R3HDM2: variants seen among roughly 807,000 people sequenced by gnomAD.
R3HDM2 encodes the protein R3H domain-containing protein 2.
R3HDM2 carries 38 observed loss-of-function variants against 124.5 expected under a neutral mutation model. That is an observed-to-expected ratio of 0.31 (90% CI 0.24 to 0.40). R3HDM2 has a LOEUF of 0.40. R3HDM2 is among the 10% of genes least tolerant of loss of function. R3HDM2 has a pLI of 1.00. For synonymous variants in R3HDM2, 391 were observed against 448.0 expected (o/e 0.87, Z 1.61); for missense variants, 869 against 1,236.9 (o/e 0.70, Z 4.46).
intron 2 of R3HDM2, among the ~76,000 whole-genome samples, chr12:57,326,145 C>A (rs1330860665): frequency 3.3e-5 from 5 of 152,154 alleles, no homozygotes; most frequent in African/African-American, 1.2e-4. Flanking sequence ...AACTGTTCCC[C>A]GATCTCTCTC....
intron 14 of R3HDM2, among the ~76,000 whole-genome samples, chr12:57,275,518 A>C (rs2044484048): frequency 1.4e-5 from 2 of 145,384 alleles, no homozygotes; most frequent in South Asian, 2.2e-4. Context: ...AAAAAAAAAA[A>C]CAGCAGAGGA....
intron 14 of R3HDM2, among the ~76,000 whole-genome samples, chr12:57,279,108 A>G (rs994120680): frequency 6.6e-6 from 1 of 152,054 alleles, no homozygotes; most frequent in Non-Finnish European, 1.5e-5. Context: ...CTCCTCAAAA[A>G]GAGCTCTATT....
chr12:57,319,625 C>G (rs1260370301), intron 2 of R3HDM2, among the ~76,000 whole-genome samples: 1 of 152,140 alleles, frequency 6.6e-6, no homozygotes, highest in Non-Finnish European at 1.5e-5. Context: ...ATTTCCTTCT[C>G]TAAACATTCC....
chr12:57,297,756 A>G (rs975443165), intron 7 of R3HDM2: 25 of 362,404 alleles, frequency 6.9e-5, no homozygotes, highest in Admixed American at 1.3e-4. Context: ...GTACAAATCA[A>G]TTATTTTTTC....
intron 2 of R3HDM2, among the ~76,000 whole-genome samples, chr12:57,322,757 G>T (rs2056649915): frequency 6.6e-6 from 1 of 152,068 alleles, no homozygotes; most frequent in Non-Finnish European, 1.5e-5. Flanking sequence ...TACAAGAGAG[G>T]CAATGGTAGA....
chr12:57,424,650 C>G (rs578217947), intron 1 of R3HDM2, among the ~76,000 whole-genome samples: 1 of 152,096 alleles, frequency 6.6e-6, no homozygotes, highest in Non-Finnish European at 1.5e-5. Context: ...AATTGTCATA[C>G]GCAACAAAGA....
intron 2 of R3HDM2, among the ~76,000 whole-genome samples, chr12:57,349,872 T>C (rs2060501526): frequency 6.6e-6 from 1 of 152,094 alleles, no homozygotes; most frequent in Admixed American, 6.6e-5. Flanking sequence ...TACATGGTTT[T>C]AATGTTGTCT....
chr12:57,323,681 T>C (rs529552008), intron 2 of R3HDM2, among the ~76,000 whole-genome samples: 1 of 152,352 alleles, frequency 6.6e-6, no homozygotes. Flanking sequence ...TCAGTATCTG[T>C]TATGGCTGTA....
intron 13 of R3HDM2, 31 bp from the exon 14 acceptor site, chr12:57,280,561 G>T: frequency 6.4e-7 from 1 of 1,562,608 alleles, no homozygotes; most frequent in Non-Finnish European, 8.7e-7. Context: ...ACAAAAAGTT[G>T]TAAGCATAAG....
chr12:57,360,555 G>A (rs966141985), intron 2 of R3HDM2, among the ~76,000 whole-genome samples: 2 of 151,706 alleles, frequency 1.3e-5, no homozygotes, highest in African/African-American at 2.4e-5. Flanking sequence ...CTATAAGTTC[G>A]AGGCTATAGT....
Position 57,280,463 on chromosome 12 carries a change from G to A in R3HDM2, c.1239C>T (p.Leu413=), listed in dbSNP as rs77784795. The change falls in exon 14 of 24, where the codon CTC becomes CTT. Residue 413 remains leucine, a synonymous_variant. Transcript: ENST00000402412. ...GCTGTTGCTGCTGGGCAGTACAAGG[G>A]AGAAGCCCCCGGACAGACTGGGATG... ...VTSSQSVRGL[L]PCTAQQQQQQ... The A allele has an allele frequency of 3.3e-5, 53 of 1,613,970 alleles. No homozygotes were observed. The Admixed American group carries it at 8.5e-4, about 26-fold the overall frequency.
rs1397521297 is a variant in R3HDM2 at position 57,272,239 on chromosome 12, C to T, written c.1345-2245G>A. On this transcript the variant is annotated intron_variant, in intron 14 of 23. Transcript: ENST00000402412. ...TGAAACTTGGGGGAACACAGTGTTC[C>T]TCTGTCTTACATTTAAGCATCTTTT... 3.3e-5 allele frequency among the ~76,000 whole-genome samples: 5 copies of T among 152,232 alleles called. No homozygotes were observed. The East Asian group carries it at 9.7e-4, about 29-fold the overall frequency.
At chr12:57,336,934 G>C (rs2058928548) in intron 2 of R3HDM2, among the ~76,000 whole-genome samples, 1 of 151,682 alleles carries the variant, frequency 6.6e-6, no homozygotes, top group South Asian at 2.1e-4. Flanking sequence ...GTAGATTCTT[G>C]AAGTTGAAAA....
chr12:57,296,412 T>C lies in R3HDM2; in HGVS notation c.700A>G (p.Ile234Val). 1 of 1,552,246 alleles carries C rather than the reference T, an allele frequency of 6.4e-7. No individual in the cohort carries two copies. The highest frequency in any genetic ancestry group is 8.7e-7 in the Non-Finnish European group (1 of 1,147,070). Reference sequence around the variant, plus strand: ...CCAAACCATGGTTTCCTCCCTTACATTCTTGTGTTACTAGTTTTGTTGATG... The same window carrying C: ...CCAAACCATGGTTTCCTCCCTTACACTCTTGTGTTACTAGTTTTGTTGATG... The part of the protein sequence containing the change: ...VIINKTSNTR[I>V]PEQRFSEHIK... Residue 234 changes from isoleucine (I) to valine (V), a missense_variant and splice_region_variant, in exon 9 of 24, where the codon ATC (isoleucine) becomes GTC (valine). Around this residue, in one of 2 missense-constraint regions of R3HDM2, gnomAD observed 267 missense variants for 447.7 expected, o/e 0.60. Coordinates refer to ENST00000402412, the MANE Select transcript of R3HDM2 (RefSeq NM_001394031.1). This position sits in a 1 kb window ranked among gnomAD's most constrained non-coding sequence, Gnocchi z 4.5.
chr12:57,429,843 A>G (rs1869279431), intron 1 of R3HDM2, among the ~76,000 whole-genome samples: 1 of 152,228 alleles, frequency 6.6e-6, no homozygotes, highest in Admixed American at 6.5e-5. Flanking sequence ...ATTCAACTGC[A>G]AATCTATCTA....
intron 2 of R3HDM2, among the ~76,000 whole-genome samples, chr12:57,340,633 T>C (rs1195735021): frequency 6.6e-6 from 1 of 152,238 alleles, no homozygotes; most frequent in Non-Finnish European, 1.5e-5. Flanking sequence ...CAGACATTAT[T>C]ACTCTTTTCA....
In R3HDM2 at chr12:57,421,472, T is replaced by A. The variant is rs1308591150; in HGVS notation, c.-106+9248A>T. ...GCTCTTTTTTTTTTTTTTTTTTTTT[T>A]AAAGACAGGGTCATCACTTCTCTGC... On this transcript the variant is annotated intron_variant, in intron 1 of 23. Coordinates refer to ENST00000402412, the MANE Select transcript of R3HDM2 (RefSeq NM_001394031.1). Among the ~76,000 whole-genome samples the A allele has an allele frequency of 1.6e-4, 18 of 109,628 alleles. No individual in the cohort carries two copies. In the East Asian group the frequency reaches 2.7e-3, roughly 16 times the overall value. 71.9% of individuals were successfully genotyped at this position (109,628 alleles called of 152,430 possible).
chr12:57,424,373 G>A (rs2070507893), intron 1 of R3HDM2, among the ~76,000 whole-genome samples: 1 of 151,892 alleles, frequency 6.6e-6, no homozygotes, highest in Non-Finnish European at 1.5e-5. Flanking sequence ...TGTTAGCCAG[G>A]CTGGTCTTGA....
At chr12:57,425,266 C>A (rs543119373) in intron 1 of R3HDM2, among the ~76,000 whole-genome samples, 2 of 149,904 alleles carry the variant, frequency 1.3e-5, no homozygotes, top group Non-Finnish European at 3.0e-5. Flanking sequence ...GAGCGAAACT[C>A]CGTCTCAAAA....
Sources: allele counts gnomAD v4.1 joint callset (sites outside exome capture counted in the v4.1 genomes callset), GRCh38; gene constraint gnomAD v4.1.1; regional missense constraint gnomAD v4.1.1; non-coding constraint Gnocchi (gnomAD v3.1); transcripts MANE v1.5; gene names NCBI Gene and HGNC (gene_info 2026-07-23, HGNC 2026-07-21).